SLC1A1: variants seen among roughly 807,000 people sequenced by gnomAD.
SLC1A1 encodes the protein excitatory amino acid transporter 3.
SLC1A1 carries 43 observed loss-of-function variants against 53.3 expected under a neutral mutation model. The observed-to-expected ratio is 0.81, with a 90% CI of 0.63 to 1.04. SLC1A1 has a LOEUF of 1.04. Among genes scored for constraint, SLC1A1 ranks in the 50% least tolerant of loss-of-function variants. The pLI, the probability that SLC1A1 is intolerant of heterozygous loss-of-function variation, is 0.00. For missense variants in SLC1A1, 748 were observed against 664.9 expected, an observed-to-expected ratio of 1.12 and a Z score of -1.37; for synonymous variants, 307 against 243.2, an observed-to-expected ratio of 1.26 and a Z score of -2.44.
At chr9:4,535,190 G>A (rs926956488) in intron 1 of SLC1A1, among the ~76,000 whole-genome samples, 23 of 152,160 alleles carry the variant, frequency 1.5e-4, no homozygotes, top group Non-Finnish European at 2.5e-4. Context: ...TCAACATAGT[G>A]TTGGAAGTTC....
At chr9:4,571,611 A>G (rs1318381771) in intron 6 of SLC1A1, among the ~76,000 whole-genome samples, 1 of 152,144 alleles carries the variant, frequency 6.6e-6, no homozygotes, top group African/African-American at 2.4e-5. Flanking sequence ...CGGGAGGTGG[A>G]GGTTGCAGTG....
intron 2 of SLC1A1, among the ~76,000 whole-genome samples, chr9:4,545,050 G>C (rs1817354967): frequency 6.6e-6 from 1 of 152,124 alleles, no homozygotes; most frequent in Admixed American, 6.5e-5. Context: ...TTGACACCTG[G>C]GGATTATGGG....
intron 2 of SLC1A1, among the ~76,000 whole-genome samples, chr9:4,544,994 G>A (rs1817349485): frequency 6.6e-6 from 1 of 152,062 alleles, no homozygotes; most frequent in South Asian, 2.1e-4. Context: ...GAACAGCATG[G>A]GAGAAACTGC....
chr9:4,497,866 A>G (rs904033240), intron 1 of SLC1A1, among the ~76,000 whole-genome samples: 4 of 152,210 alleles, frequency 2.6e-5, no homozygotes, highest in Non-Finnish European at 5.9e-5. Flanking sequence ...GTTTCTTATT[A>G]ACAAGAAAGG....
At chr9:4,544,513 C>T in intron 1 of SLC1A1, 54 bp from the exon 2 acceptor site, 5 of 1,526,594 alleles carry the variant, frequency 3.3e-6, no homozygotes, top group Non-Finnish European at 4.5e-6. Flanking sequence ...GACATAGATA[C>T]AGGAGAACTC....
At position 4,585,742 on chromosome 9, in the gene SLC1A1, G is replaced by A; in HGVS notation, c.*184G>A. 1 of 698,352 alleles carries A rather than the reference G, an allele frequency of 1.4e-6. No individual in the cohort carries two copies. The highest frequency in any genetic ancestry group is 2.4e-6 in the Non-Finnish European group (1 of 422,732). The allele number at this position is 698,352 out of a possible 1,614,324, so 43.3% of individuals were successfully genotyped here. On this transcript the variant is annotated 3_prime_UTR_variant, in exon 12 of 12. Coordinates refer to ENST00000262352, the MANE Select transcript of SLC1A1 (RefSeq NM_004170.6). The stretch of plus-strand genomic sequence containing the variant: ...GCGCTCTGGGTTTTGGGATTTGGGT[G>A]TGGGGTAAGTTGAAGGGAAATCAAT...
At chr9:4,577,233 T>C (rs1325856416) in intron 10 of SLC1A1, among the ~76,000 whole-genome samples, 3 of 152,102 alleles carry the variant, frequency 2.0e-5, no homozygotes, top group African/African-American at 7.2e-5. Context: ...CTTAGAAGAA[T>C]AGGAATTTAG....
chr9:4,516,638 C>T (rs1453624621), intron 1 of SLC1A1, among the ~76,000 whole-genome samples: 1 of 152,212 alleles, frequency 6.6e-6, no homozygotes, highest in Non-Finnish European at 1.5e-5. Flanking sequence ...CCTGATTTCC[C>T]TATGCTAATC....
At position 4,585,360 on chromosome 9, in the gene SLC1A1, G is replaced by T; in HGVS notation, c.1377G>T (p.Thr459=). The change falls in exon 12 of 12, where the codon ACG becomes ACT. Residue 459 remains threonine (T), a synonymous_variant. Transcript: ENST00000262352. ...MVNVLGDAFG[T]GIVEKLSKKE... is the part of the protein sequence containing the mutation. ...ACGTCCTTGGTGATGCTTTTGGGAC[G>T]GGCATTGTGGAAAAGCTCTCCAAGA... 6.2e-7 allele frequency: 1 copy of T among 1,614,158 alleles called. No individual in the cohort carries two copies.
intron 1 of SLC1A1, among the ~76,000 whole-genome samples, chr9:4,514,812 GAA>G (rs1554676051): frequency 6.6e-5 from 10 of 152,194 alleles, no homozygotes; most frequent in Non-Finnish European, 1.5e-5. Context: ...ATTGTATGCA[GAA>G]AGAGTTTTAG....
chr9:4,502,389 G>GC (rs1554674522), intron 1 of SLC1A1, among the ~76,000 whole-genome samples: 65 of 56,496 alleles, frequency 1.2e-3, no homozygotes, highest in Non-Finnish European at 1.5e-3. Flanking sequence ...CCTGTCTCCA[G>GC]AAAAAAAAAA....
chr9:4,571,839 C>T (rs1021867962), intron 6 of SLC1A1, among the ~76,000 whole-genome samples: 3 of 152,042 alleles, frequency 2.0e-5, no homozygotes, highest in African/African-American at 7.2e-5. Context: ...TTATTAATTC[C>T]TGTGTTTTTT....
At position 4,587,151 on chromosome 9, in the gene SLC1A1, A is replaced by G. The variant is rs1024384103; in HGVS notation, c.*1593A>G. On this transcript the variant is annotated 3_prime_UTR_variant, in exon 12 of 12. Transcript: ENST00000262352. ...ACCTACATCTGAAATCTACAACATA[A>G]TGATACTGAATTGTTATGTAAACAT... The G allele has an allele frequency of 3.9e-5, 6 of 152,664 alleles. No homozygotes were observed. The allele number at this position is 152,664 out of a possible 1,614,324, so 9.5% of individuals were successfully genotyped here.
chr9:4,496,812 A>G (rs1282933266), intron 1 of SLC1A1, among the ~76,000 whole-genome samples: 1 of 152,160 alleles, frequency 6.6e-6, no homozygotes, highest in Non-Finnish European at 1.5e-5. Flanking sequence ...TGGGAAGATC[A>G]CATGAGGCCA....
At chr9:4,547,757 A>AATGTATACAAATTTATATTGTATACAT (rs929381563) in intron 2 of SLC1A1, among the ~76,000 whole-genome samples, 34 of 151,536 alleles carry the variant, frequency 2.2e-4, no homozygotes, top group East Asian at 9.6e-4. Flanking sequence ...AAGCAACCTA[A>AATGTATACAAATTTATATTGTATACAT]ATGTATACAA....
At chr9:4,527,382 G>C (rs983924511) in intron 1 of SLC1A1, among the ~76,000 whole-genome samples, 1 of 152,152 alleles carries the variant, frequency 6.6e-6, no homozygotes, top group African/African-American at 2.4e-5. Flanking sequence ...GTGGTGATTT[G>C]TTACACAGCA....
chr9:4,518,259 A>AAG (rs71326115), intron 1 of SLC1A1, among the ~76,000 whole-genome samples: 1 of 137,732 alleles, frequency 7.3e-6, no homozygotes, highest in Non-Finnish European at 1.6e-5. Context: ...AAAAAAAAAA[A>AAG]GAATGAAGTC....
At chr9:4,579,534 G>C (rs1175411453) in intron 10 of SLC1A1, among the ~76,000 whole-genome samples, 1 of 152,134 alleles carries the variant, frequency 6.6e-6, no homozygotes, top group Non-Finnish European at 1.5e-5. Flanking sequence ...GGGCCTAGAA[G>C]CTAAATAGTC....
At chr9:4,525,545 C>A (rs575062667) in intron 1 of SLC1A1, among the ~76,000 whole-genome samples, 162 of 152,144 alleles carry the variant, frequency 1.1e-3, no homozygotes, top group Middle Eastern at 6.8e-3. Flanking sequence ...ATCCCCCAAA[C>A]TGGAGATGAT....
Sources: allele counts gnomAD v4.1 joint callset (sites outside exome capture counted in the v4.1 genomes callset), GRCh38; gene constraint gnomAD v4.1.1; transcripts MANE v1.5; gene names NCBI Gene and HGNC (gene_info 2026-07-23, HGNC 2026-07-21).